MRO: variants seen among roughly 807,000 people sequenced by gnomAD.
The protein encoded by MRO is protein maestro.
In MRO, 28 loss-of-function variants were observed where a neutral mutation model predicts 31.0. The ratio of observed to expected loss-of-function variants is 0.90; its 90% CI spans 0.67 to 1.24. The LOEUF is 1.24. Ranked by LOEUF, MRO falls within the 50% of genes most tolerant of loss-of-function variation. MRO has a pLI of 0.00. For missense variants in MRO, 332 were observed against 289.2 expected, an observed-to-expected ratio of 1.15 and a Z score of -1.07; for synonymous variants, 108 against 108.4, an observed-to-expected ratio of 1.00 and a Z score of 0.02.
rs192135258 is a variant in MRO, at chr18:50,798,620, G to A, written c.*717C>T. The A allele has an allele frequency of 2.0e-5, 3 of 152,260 alleles. No homozygotes were observed. Among genetic ancestry groups the A allele is most frequent in the African/African-American group, 7.2e-5 (3 of 41,544 alleles). The allele number at this position is 152,260 out of a possible 1,614,324, so 9.4% of individuals were successfully genotyped here. ...TCAGGGTTGTCGCAAGTATTAAATA[G>A]AACTTACAAAAAGCACTTTGACCGT... On this transcript the variant is annotated 3_prime_UTR_variant, in exon 8 of 8. Transcript: ENST00000398439.
At chr18:50,815,595 C>G (rs1389442916) in intron 2 of MRO, 2 of 301,622 alleles carry the variant, frequency 6.6e-6, no homozygotes, top group African/African-American at 4.5e-5. Flanking sequence ...GTGGTGGAAA[C>G]TATAATGATC....
intron 7 of MRO, 130 bp from the exon 8 acceptor site, chr18:50,799,520 A>C: frequency 1.3e-6 from 1 of 785,920 alleles, no homozygotes; most frequent in South Asian, 1.6e-5. Context: ...ATCTGTATCC[A>C]GCTAGTGACC....
At chr18:50,811,038 T>C (rs185320200) in intron 2 of MRO, among the ~76,000 whole-genome samples, 4 of 152,254 alleles carry the variant, frequency 2.6e-5, no homozygotes, top group Non-Finnish European at 5.9e-5. Context: ...AGAGCGTATA[T>C]GACACATTGG....
At chr18:50,820,973 G>C (rs1395860131), upstream of MRO, among the ~76,000 whole-genome samples, 1 of 152,174 alleles carries the variant, frequency 6.6e-6, no homozygotes, top group Admixed American at 6.5e-5. Context: ...TAAGTTACAA[G>C]GGAACCACTG....
At chr18:50,811,035 A>G (rs1193140768) in intron 2 of MRO, among the ~76,000 whole-genome samples, 3 of 152,192 alleles carry the variant, frequency 2.0e-5, no homozygotes, top group African/African-American at 2.4e-5. Context: ...GGCAGAGCGT[A>G]TATGACACAT....
intron 5 of MRO, among the ~76,000 whole-genome samples, chr18:50,802,898 TTGTGTATGTGTGTGTGTAGTGTGTGTG>T (rs768365422): frequency 9.6e-5 from 13 of 134,722 alleles, no homozygotes; most frequent in South Asian, 2.4e-4. Flanking sequence ...TAGTGAGTGT[TTGTGTATGTGTGTGTGTAGTGTGTGTG>T]TGTGTGTGTG....
chr18:50,799,954 T>C, intron 7 of MRO, 82 bp downstream of exon 7: 1 of 964,040 alleles, frequency 1.0e-6, no homozygotes, highest in Admixed American at 2.1e-5. Flanking sequence ...GGTAACTCTT[T>C]CTTGTGCTTG....
intron 3 of MRO, among the ~76,000 whole-genome samples, chr18:50,807,560 C>T (rs1914065187): frequency 6.6e-6 from 1 of 152,212 alleles, no homozygotes; most frequent in South Asian, 2.1e-4. Context: ...TACACATCTA[C>T]AAACATTTCA....
chr18:50,823,403 C>T (rs1191318585), upstream of MRO, among the ~76,000 whole-genome samples: 2 of 152,244 alleles, frequency 1.3e-5, no homozygotes, highest in African/African-American at 2.4e-5. Flanking sequence ...TCCTCACGCC[C>T]AGATGCAGTT....
rs896779510 is a variant in MRO, at chr18:50,796,030, G to T, written c.*3307C>A. 1 of 152,140 alleles carries T rather than the reference G, an allele frequency of 6.6e-6. No individual in the cohort carries two copies. Among genetic ancestry groups the T allele is most frequent in the Non-Finnish European group, 1.5e-5 (1 of 68,022 alleles). 9.4% of individuals were successfully genotyped at this position (152,140 alleles called of 1,614,324 possible). A position where few individuals can be genotyped will look rare whatever the true frequency, so the allele number is the denominator to read the frequency against. ...CTCTACCCTGGGCACTTAGCATGAG[G>T]GTCGGGGCACTTGAACATTCCTTTT... On this transcript the variant is annotated 3_prime_UTR_variant, in exon 8 of 8. Transcript: ENST00000398439.
intron 2 of MRO, chr18:50,814,282 A>T (rs1225394068): frequency 6.6e-6 from 1 of 151,984 alleles, no homozygotes; most frequent in Non-Finnish European, 1.5e-5. Flanking sequence ...TTACCTTCAA[A>T]AAAAAAAAAA....
chr18:50,820,489 A>G (rs527844003), upstream of MRO, among the ~76,000 whole-genome samples: 2 of 152,334 alleles, frequency 1.3e-5, no homozygotes, highest in African/African-American at 2.4e-5. Flanking sequence ...GCATTGGGTC[A>G]TAAAGGGAGA....
Position 50,798,233 on chromosome 18 carries a change from G to A in MRO, c.*1104C>T, listed in dbSNP as rs958874152. The A allele has an allele frequency of 1.3e-5, 2 of 151,972 alleles. No individual in the cohort carries two copies. Among genetic ancestry groups the A allele is most frequent in the African/African-American group, 2.4e-5 (1 of 41,346 alleles). The allele number at this position is 151,972 out of a possible 1,614,324, so 9.4% of individuals were successfully genotyped here. On this transcript the variant is annotated 3_prime_UTR_variant, in exon 8 of 8. Coordinates refer to ENST00000398439, the MANE Select transcript of MRO (RefSeq NM_031939.6). ...GTGATGTGACTCCTTGGATAACTAG[G>A]ATTGATCACCAAAATAATTGACATT...
chr18:50,809,646 T>A (rs1374311690), intron 2 of MRO, among the ~76,000 whole-genome samples: 1 of 152,178 alleles, frequency 6.6e-6, no homozygotes. Flanking sequence ...CCCCACTCCA[T>A]TCTGCAGATT....
At chr18:50,813,940 A>G (rs1325958284) in intron 2 of MRO, among the ~76,000 whole-genome samples, 1 of 152,222 alleles carries the variant, frequency 6.6e-6, no homozygotes, top group African/African-American at 2.4e-5. Context: ...CACCCACAAC[A>G]CACAATTTGC....
intron 7 of MRO, 73 bp downstream of exon 7, chr18:50,799,963 T>C: frequency 9.7e-7 from 1 of 1,029,826 alleles, no homozygotes; most frequent in South Asian, 1.4e-5. Context: ...TTCTTGTGCT[T>C]GGCCACCTTC....
At chr18:50,813,125 G>T (rs750278916) in intron 2 of MRO, among the ~76,000 whole-genome samples, 3 of 152,090 alleles carry the variant, frequency 2.0e-5, no homozygotes, top group Non-Finnish European at 4.4e-5. Context: ...ATGGGGACTC[G>T]GTTTCTCTGC....
At chr18:50,817,060 A>G (rs190889496) in intron 2 of MRO, among the ~76,000 whole-genome samples, 2 of 152,316 alleles carry the variant, frequency 1.3e-5, no homozygotes, top group African/African-American at 4.8e-5. Context: ...AGGCGTAAGT[A>G]GAACTCAAGG....
chr18:50,806,631 G>A (rs1049712001), intron 4 of MRO, 73 bp downstream of exon 4: 1 of 1,565,224 alleles, frequency 6.4e-7, no homozygotes, highest in Non-Finnish European at 8.8e-7. Flanking sequence ...CCATACTCCA[G>A]CCCTGGGAGT....
Sources: gnomAD v4.1 joint callset for allele counts (sites outside exome capture counted in the v4.1 genomes callset) on GRCh38, gnomAD v4.1.1 for gene constraint, MANE v1.5 for transcripts, NCBI Gene and HGNC (gene_info 2026-07-23, HGNC 2026-07-21) for gene names.